Variants in HMGN3 observed in about 807,000 individuals in gnomAD.
The protein encoded by HMGN3 is high mobility group nucleosome-binding domain-containing protein 3.
Under a neutral mutation model 18.8 loss-of-function variants are expected in HMGN3, and 6 were observed. The observed-to-expected ratio is 0.32, with a 90% CI of 0.18 to 0.63. HMGN3 has a LOEUF of 0.63. HMGN3 is among the 30% of genes least tolerant of loss of function. The probability of loss-of-function intolerance (pLI) is 0.79; values close to 1 mark genes in which losing one functional copy is unlikely to be tolerated. For missense variants in HMGN3, 107 were observed against 114.2 expected (o/e 0.94, Z 0.29); for synonymous variants, 40 against 36.5 (o/e 1.10, Z -0.35).
In HMGN3 at chr6:79,229,076, C is replaced by T. The variant is rs954379622; in HGVS notation, c.15+5470G>A. 2.0e-5 allele frequency among the ~76,000 whole-genome samples: 3 copies of T among 152,308 alleles called. 1 individual carries two copies. Among genetic ancestry groups the T allele is most frequent in the African/African-American group, 7.2e-5 (3 of 41,566 alleles). Reference sequence around the variant, plus strand: ...GAATTTAAACCCTTACCTCATACCACACACAAAATTAATTCAAAATGGATA... The same window carrying T: ...GAATTTAAACCCTTACCTCATACCATACACAAAATTAATTCAAAATGGATA... On this transcript the variant is annotated intron_variant, in intron 1 of 5. Coordinates refer to ENST00000344726, the Ensembl canonical transcript of HMGN3.
intron 1 of HMGN3, among the ~76,000 whole-genome samples, chr6:79,233,209 T>G (rs1777944677): frequency 6.6e-6 from 1 of 152,232 alleles, no homozygotes; most frequent in African/African-American, 2.4e-5. Context: ...CCGCTCAAGC[T>G]GTTTTCAGGA....
At chr6:79,217,655 T>C (rs972254312) in intron 1 of HMGN3, among the ~76,000 whole-genome samples, 1 of 152,140 alleles carries the variant, frequency 6.6e-6, no homozygotes, top group Non-Finnish European at 1.5e-5. Context: ...GAGTAACAGG[T>C]AGACTATTTT....
At chr6:79,212,618 T>A (rs1776754560) in intron 2 of HMGN3, among the ~76,000 whole-genome samples, 1 of 152,244 alleles carries the variant, frequency 6.6e-6, no homozygotes, top group South Asian at 2.1e-4. Context: ...AAAGGGTTTG[T>A]AACTGTTGAT....
chr6:79,221,923 A>ATGTATTGGTACG lies in HMGN3; in HGVS notation c.16-6902_16-6901insCGTACCAATACA, dbSNP rs1483968112. 6.2e-5 allele frequency among the ~76,000 whole-genome samples: 7 copies of ATGTATTGGTACG among 112,806 alleles called. No homozygotes were observed. The East Asian group carries it at 3.1e-3, about 49-fold the overall frequency. 74.0% of individuals were successfully genotyped at this position (112,806 alleles called of 152,430 possible). On this transcript the variant is annotated intron_variant, in intron 1 of 5. Coordinates refer to ENST00000344726, the Ensembl canonical transcript of HMGN3. ...AATTCATTGGTACATGTATTGGTACATGTATTGGTACATGTAGTACAAATT... is the reference window on the plus strand; with the variant it reads ...AATTCATTGGTACATGTATTGGTACATGTATTGGTACGTGTATTGGTACATGTAGTACAAATT...
chr6:79,226,710 C>T (rs1777583610), intron 1 of HMGN3, among the ~76,000 whole-genome samples: 2 of 152,158 alleles, frequency 1.3e-5, no homozygotes, highest in Admixed American at 6.5e-5. Context: ...TGACATTTCT[C>T]TTAAAATATT....
At chr6:79,211,077 T>G (rs1016479970) in intron 2 of HMGN3, among the ~76,000 whole-genome samples, 3 of 151,242 alleles carry the variant, frequency 2.0e-5, no homozygotes, top group African/African-American at 7.3e-5. Context: ...AATCCTATCT[T>G]CTATTATAAA....
Position 79,201,909 on chromosome 6 carries a change from C to G in HMGN3, c.262-183G>C, listed in dbSNP as rs552704892. The G allele has an allele frequency of 7.1e-6, 7 of 984,678 alleles. No individual in the cohort carries two copies. The South Asian group carries it at 3.3e-4, about 46-fold the overall frequency. The allele number at this position is 984,678 out of a possible 1,614,324, so 61.0% of individuals were successfully genotyped here. On this transcript the variant is annotated intron_variant, in intron 5 of 5. Transcript: ENST00000344726. ...AAGGCAGGAATATATTACACAAACACTTTGTTTCATTTATTGCTTTCTGCT... is the reference window on the plus strand; with the variant it reads ...AAGGCAGGAATATATTACACAAACAGTTTGTTTCATTTATTGCTTTCTGCT...
chr6:79,231,984 A>G (rs998811674), intron 1 of HMGN3, among the ~76,000 whole-genome samples: 2 of 152,142 alleles, frequency 1.3e-5, no homozygotes, highest in African/African-American at 4.8e-5. Context: ...TATCTGTACC[A>G]CTTCTTGCTC....
intron 5 of HMGN3, 31 bp from the exon 6 acceptor site, chr6:79,202,186 A>G (rs1186629859): frequency 1.2e-6 from 2 of 1,606,746 alleles, no homozygotes; most frequent in South Asian, 1.1e-5. Context: ...ATAAAAAGAG[A>G]CATTAAGAAC....
At chr6:79,221,762 A>C (rs1403601415) in intron 1 of HMGN3, among the ~76,000 whole-genome samples, 1 of 152,204 alleles carries the variant, frequency 6.6e-6, no homozygotes, top group African/African-American at 2.4e-5. Context: ...GAGGCAGAGA[A>C]GTTTAACGCT....
intron 1 of HMGN3, among the ~76,000 whole-genome samples, chr6:79,231,756 A>C (rs988302508): frequency 1.3e-5 from 2 of 152,198 alleles, no homozygotes; most frequent in African/African-American, 2.4e-5. Flanking sequence ...CCACACTTTT[A>C]AGACCAGCCT....
intron 1 of HMGN3, chr6:79,234,194 C>T (rs1157308323): frequency 4.3e-6 from 1 of 234,546 alleles, no homozygotes; most frequent in East Asian, 9.0e-5. Context: ...TTTCCCTTCA[C>T]ACTAATTCGC....
intron 2 of HMGN3, among the ~76,000 whole-genome samples, chr6:79,208,867 TCC>T (rs1776549740): frequency 6.6e-6 from 1 of 152,158 alleles, no homozygotes; most frequent in Admixed American, 6.5e-5. Context: ...TTAGGCTTTA[TCC>T]CAAATTAAAA....
intron 1 of HMGN3, among the ~76,000 whole-genome samples, chr6:79,215,790 A>G (rs1776951723): frequency 6.6e-6 from 1 of 152,224 alleles, no homozygotes; most frequent in Non-Finnish European, 1.5e-5. Flanking sequence ...ACATGTCCCA[A>G]TATTTTTTAT....
chr6:79,229,652 C>T (rs139491941), intron 1 of HMGN3, among the ~76,000 whole-genome samples: 5 of 152,062 alleles, frequency 3.3e-5, no homozygotes, highest in African/African-American at 9.7e-5. Flanking sequence ...CCGAGACGGG[C>T]GGATCACGAG....
chr6:79,203,602 T>C, exon 4 of HMGN3: 1 of 1,613,826 alleles, frequency 6.2e-7, no homozygotes, highest in Non-Finnish European at 8.5e-7. Context: ...TTTTCTTGGT[T>C]TGGGTTCAGG....
chr6:79,206,588 G>A (rs1005742797), intron 3 of HMGN3, among the ~76,000 whole-genome samples: 3 of 152,246 alleles, frequency 2.0e-5, no homozygotes, highest in South Asian at 4.1e-4. Context: ...CCAGGCAGAC[G>A]TTGTTGCAGA....
chr6:79,234,540 A>G lies in HMGN3; in HGVS notation c.15+6T>C, dbSNP rs534324673. 5.3e-5 allele frequency: 85 copies of G among 1,611,590 alleles called. No individual in the cohort carries two copies. The highest frequency in any genetic ancestry group is 8.3e-5 in the Admixed American group (5 of 59,992). On this transcript the variant is annotated splice_donor_region_variant and intron_variant, in intron 1 of 5. Transcript: ENST00000344726. ...GCTTTTGAAATCTTTTTTTGGTAAGACTTACCTTTCTCTTCGGCATAATGA... is the reference window on the plus strand; with the variant it reads ...GCTTTTGAAATCTTTTTTTGGTAAGGCTTACCTTTCTCTTCGGCATAATGA...
chr6:79,205,170 G>T lies in HMGN3; in HGVS notation c.97-1540C>A, dbSNP rs144354601. On this transcript the variant is annotated intron_variant, in intron 3 of 5. Coordinates refer to ENST00000344726, the Ensembl canonical transcript of HMGN3. ...AGGAAAAGCTTTGTTTTAAACTTTG[G>T]TTTTCATTTGACTTACAAGGTCTGT... Among the ~76,000 whole-genome samples the T allele has an allele frequency of 3.4e-4, 52 of 152,280 alleles. No individual in the cohort carries two copies. The East Asian group carries it at 8.1e-3, about 24-fold the overall frequency.
Sources: allele counts gnomAD v4.1 joint callset (sites outside exome capture counted in the v4.1 genomes callset), GRCh38; gene constraint gnomAD v4.1.1; transcripts MANE v1.5; gene names NCBI Gene and HGNC (gene_info 2026-07-23, HGNC 2026-07-21).